AOAH: variants seen among roughly 807,000 people sequenced by gnomAD.
AOAH encodes acyloxyacyl hydrolase (neutrophil).
A neutral mutation model predicts 92.2 loss-of-function variants in AOAH; 64 were observed. The observed-to-expected ratio is 0.69, with a 90% confidence interval of 0.57 to 0.86. AOAH has a LOEUF of 0.86. Ranked by LOEUF, AOAH falls within the 40% of genes least tolerant of loss-of-function variation. The pLI, the probability that AOAH is intolerant of heterozygous loss-of-function variation, is 0.00. For synonymous variants in AOAH, 263 were observed against 254.5 expected, an observed-to-expected ratio of 1.03 and a Z score of -0.32; for missense variants, 656 against 694.6, an observed-to-expected ratio of 0.94 and a Z score of 0.62.
chr7:36,523,653 A>G (rs1262705251), intron 19 of AOAH, among the ~76,000 whole-genome samples: 1 of 12,216 alleles, frequency 8.2e-5, no homozygotes, highest in South Asian at 3.8e-3. Context: ...TTTTTTTGGC[A>G]TGTCCTTGGA....
chr7:36,554,932 AG>A (rs1333365686), intron 13 of AOAH, among the ~76,000 whole-genome samples: 1 of 143,834 alleles, frequency 7.0e-6, no homozygotes, highest in Non-Finnish European at 1.5e-5. Context: ...GTCTGCAAAC[AG>A]GGACAATTTG....
chr7:36,719,072 G>A, intron 1 of AOAH, among the ~76,000 whole-genome samples: 1 of 152,182 alleles, frequency 6.6e-6, no homozygotes, highest in Non-Finnish European at 1.5e-5. Flanking sequence ...ATGTAACCTT[G>A]AACAAGTTAC....
chr7:36,530,506 C>T lies in AOAH; in HGVS notation c.1434G>A (p.Glu478=). 2 of 1,609,934 alleles carry T rather than the reference C, an allele frequency of 1.2e-6. No individual in the cohort carries two copies. Among genetic ancestry groups the T allele is most frequent in the Admixed American group, 1.7e-5 (1 of 59,992 alleles). Residue 478 remains glutamate, a synonymous_variant, in exon 19 of 21, where the codon GAG becomes GAA. Coordinates refer to ENST00000617537, the MANE Select transcript of AOAH (RefSeq NM_001637.4). ...TLRTLTSERA[E]QLSNTLKKIA... Reference sequence around the variant, plus strand: ...TTTTTTTCAGTGTGTTGGAGAGTTGCTCTGCTCTCTGAAGAGAGAGGAAAC... The same window carrying T: ...TTTTTTTCAGTGTGTTGGAGAGTTGTTCTGCTCTCTGAAGAGAGAGGAAAC...
At chr7:36,594,522 GTGTCTGTTTCCCACTC>G (rs1789973798) in intron 11 of AOAH, 92 bp from the exon 12 acceptor site, 1 of 1,063,806 alleles carries the variant, frequency 9.4e-7, no homozygotes, top group Non-Finnish European at 1.4e-6. Flanking sequence ...TGCTCTCTGT[GTGTCTGTTTCCCACTC>G]TCAATCTCTC....
At chr7:36,718,367 T>C (rs1421467442) in intron 1 of AOAH, among the ~76,000 whole-genome samples, 1 of 152,170 alleles carries the variant, frequency 6.6e-6, no homozygotes, top group African/African-American at 2.4e-5. Flanking sequence ...AAATGTAAAA[T>C]GGTGCAGCTG....
At chr7:36,530,683 G>A (rs1784642159) in intron 18 of AOAH, 169 bp from the exon 19 acceptor site, 1 of 550,642 alleles carries the variant, frequency 1.8e-6, no homozygotes, top group Admixed American at 3.2e-5. Context: ...ACGTACAAAT[G>A]GCCAGTGAAC....
intron 13 of AOAH, among the ~76,000 whole-genome samples, chr7:36,569,128 C>T (rs187857467): frequency 2.0e-5 from 3 of 152,322 alleles, no homozygotes; most frequent in Admixed American, 6.5e-5. Context: ...GGAGGCCCCT[C>T]ACTGTATGAA....
At chr7:36,720,905 A>G (rs2117043588) in intron 1 of AOAH, among the ~76,000 whole-genome samples, 1 of 152,272 alleles carries the variant, frequency 6.6e-6, no homozygotes, top group Middle Eastern at 3.4e-3. Context: ...TTTGTCAGAA[A>G]GTTGTTAGGG....
chr7:36,723,389 G>A (rs1041422685), intron 1 of AOAH, among the ~76,000 whole-genome samples: 1 of 152,142 alleles, frequency 6.6e-6, no homozygotes, highest in Non-Finnish European at 1.5e-5. Flanking sequence ...ATTAACAGAT[G>A]AGCCAAGAAG....
intron 4 of AOAH, among the ~76,000 whole-genome samples, chr7:36,647,500 G>T (rs1016470903): frequency 6.6e-6 from 1 of 152,202 alleles, no homozygotes; most frequent in African/African-American, 2.4e-5. Context: ...CTCAAAAGCA[G>T]ACAAGAAAAA....
intron 11 of AOAH, among the ~76,000 whole-genome samples, chr7:36,602,189 G>C (rs1790662746): frequency 6.6e-6 from 1 of 152,018 alleles, no homozygotes; most frequent in Non-Finnish European, 1.5e-5. Flanking sequence ...AATACAAAGA[G>C]GACAAAATGG....
chr7:36,716,446 C>T (rs1799174842), intron 1 of AOAH, among the ~76,000 whole-genome samples: 1 of 149,470 alleles, frequency 6.7e-6, no homozygotes, highest in Non-Finnish European at 1.5e-5. Context: ...CTAGAAATAC[C>T]ATTTGACCCA....
intron 12 of AOAH, among the ~76,000 whole-genome samples, chr7:36,580,553 A>G (rs977183109): frequency 6.6e-6 from 1 of 152,160 alleles, no homozygotes; most frequent in Non-Finnish European, 1.5e-5. Context: ...TATCCCCCTT[A>G]GTACATAGTC....
intron 1 of AOAH, among the ~76,000 whole-genome samples, chr7:36,697,773 A>G (rs1440869468): frequency 6.6e-6 from 1 of 152,208 alleles, no homozygotes; most frequent in East Asian, 1.9e-4. Context: ...AAGTAATACT[A>G]GGATAGAGTG....
intron 3 of AOAH, among the ~76,000 whole-genome samples, chr7:36,668,638 C>T (rs934853944): frequency 6.6e-6 from 1 of 152,096 alleles, no homozygotes; most frequent in South Asian, 2.1e-4. Context: ...AGAGGTGCAC[C>T]GCCACCCCCG....
chr7:36,513,756 A>C (rs11761382), intron 20 of AOAH, among the ~76,000 whole-genome samples: 46,921 of 151,982 alleles, frequency 0.31, 8,560 homozygotes, highest in Middle Eastern at 0.5. Context: ...CAACAGCCTG[A>C]GTGAGTTTGA....
chr7:36,529,177 T>C (rs1784553121), intron 19 of AOAH, among the ~76,000 whole-genome samples: 1 of 152,018 alleles, frequency 6.6e-6, no homozygotes, highest in African/African-American at 2.4e-5. Context: ...ATTCAGAGAA[T>C]TGCCTGCAGT....
intron 4 of AOAH, among the ~76,000 whole-genome samples, chr7:36,649,814 A>G (rs1794458897): frequency 6.6e-6 from 1 of 152,172 alleles, no homozygotes; most frequent in Non-Finnish European, 1.5e-5. Flanking sequence ...CCATCTCTTC[A>G]GATCTGGCAG....
chr7:36,688,357 A>T (rs10499595), intron 1 of AOAH, among the ~76,000 whole-genome samples: 20,364 of 152,194 alleles, frequency 0.13, 1,477 homozygotes, highest in Middle Eastern at 0.19. Context: ...CCAGACAGAG[A>T]TAACCAATTT....
Sources: allele counts gnomAD v4.1 joint callset (sites outside exome capture counted in the v4.1 genomes callset), GRCh38; gene constraint gnomAD v4.1.1; transcripts MANE v1.5; gene names NCBI Gene and HGNC (gene_info 2026-07-23, HGNC 2026-07-21).